SERINC1: variants seen among roughly 807,000 people sequenced by gnomAD.
SERINC1 encodes the protein tumor differentially expressed protein 2.
SERINC1 carries 38 observed loss-of-function variants against 52.9 expected under a neutral mutation model. That is an observed-to-expected ratio of 0.72 (90% CI 0.55 to 0.94). The LOEUF is 0.94. Among genes scored for constraint, SERINC1 ranks in the 40% least tolerant of loss-of-function variants. SERINC1 has a pLI of 0.00. For synonymous variants in SERINC1, 198 were observed against 183.1 expected (o/e 1.08, Z -0.66); for missense variants, 471 against 533.9 (o/e 0.88, Z 1.16).
At position 122,458,668 on chromosome 6, in the gene SERINC1, C is replaced by T. The variant is rs1775045185; in HGVS notation, c.53G>A (p.Cys18Tyr). Reference sequence around the variant, plus strand: ...GCATAGCAAACACGGGGCACTTCCACACAAACATGGTATCTGGGAAAAAGA... The same window carrying T: ...GCATAGCAAACACGGGGCACTTCCATACAAACATGGTATCTGGGAAAAAGA... ...CSMASWIPCL[C>Y]GSAPCLLCRC... Residue 18 changes from cysteine (C) to tyrosine (Y), a missense_variant, in exon 2 of 10, where the codon TGT becomes TAT. Cys to Tyr is a radical substitution (Grantham distance 194). Transcript: ENST00000339697. 6.3e-7 allele frequency: 1 copy of T among 1,598,038 alleles called. No homozygotes were observed. The highest frequency in any genetic ancestry group is 8.5e-7 in the Non-Finnish European group (1 of 1,170,192).
rs775252069 is a variant in SERINC1 at position 122,456,600 on chromosome 6, C to G, written c.252G>C (p.Leu84Phe). ...NEKGVVPCNI[L>F]VGYKAVYRLC... Reference sequence around the variant, plus strand: ...AACGATATACAGCTTTATAGCCAACCAAAATGTTACAAGGGACAACACCTT... The same window carrying G: ...AACGATATACAGCTTTATAGCCAACGAAAATGTTACAAGGGACAACACCTT... Residue 84 changes from leucine to phenylalanine, a missense_variant, in exon 3 of 10, where the codon TTG (leucine) becomes TTC (phenylalanine). Physicochemically the swap from Leu to Phe is conservative, Grantham distance 22. Coordinates refer to ENST00000339697, the MANE Select transcript of SERINC1 (RefSeq NM_020755.4). 4.3e-6 allele frequency: 7 copies of G among 1,611,684 alleles called. No homozygotes were observed. Among genetic ancestry groups the G allele is most frequent in the Non-Finnish European group, 3.4e-6 (4 of 1,178,814 alleles).
intron 1 of SERINC1, among the ~76,000 whole-genome samples, chr6:122,469,548 T>G (rs1200180796): frequency 6.6e-6 from 1 of 151,762 alleles, no homozygotes; most frequent in Admixed American, 6.6e-5. Context: ...GATTTTTGTT[T>G]TTTTGTTTTG....
intron 1 of SERINC1, among the ~76,000 whole-genome samples, chr6:122,465,027 G>T (rs915721375): frequency 6.6e-6 from 1 of 151,786 alleles, no homozygotes; most frequent in Non-Finnish European, 1.5e-5. Context: ...AAAGGTTTGG[G>T]GTTTTTTTTC....
At chr6:122,460,228 A>G (rs765260579) in intron 1 of SERINC1, among the ~76,000 whole-genome samples, 2 of 152,116 alleles carry the variant, frequency 1.3e-5, no homozygotes, top group Non-Finnish European at 2.9e-5. Context: ...GTGCACCACC[A>G]CACCCGGCTA....
chr6:122,465,239 G>C (rs190371415), intron 1 of SERINC1, among the ~76,000 whole-genome samples: 2 of 152,238 alleles, frequency 1.3e-5, no homozygotes, highest in East Asian at 3.9e-4. Context: ...TCCCCAAATA[G>C]TTCAGGAACT....
intron 5 of SERINC1, among the ~76,000 whole-genome samples, chr6:122,453,222 C>G (rs999815957): frequency 1.3e-5 from 2 of 152,128 alleles, no homozygotes; most frequent in Non-Finnish European, 2.9e-5. Flanking sequence ...ATTGGGATAT[C>G]TGTTTTCAAG....
At chr6:122,456,743 G>T in intron 2 of SERINC1, 93 bp from the exon 3 acceptor site, 2 of 926,566 alleles carry the variant, frequency 2.2e-6, no homozygotes. Flanking sequence ...TAAAGGTTTA[G>T]AAAACTGGCA....
intron 7 of SERINC1, among the ~76,000 whole-genome samples, chr6:122,450,677 A>G (rs1197573061): frequency 6.6e-6 from 1 of 152,196 alleles, no homozygotes; most frequent in Non-Finnish European, 1.5e-5. Context: ...GATTCATGGG[A>G]AAAAATGTCA....
At chr6:122,462,039 TAG>T (rs1336338717) in intron 1 of SERINC1, among the ~76,000 whole-genome samples, 1 of 151,870 alleles carries the variant, frequency 6.6e-6, no homozygotes, top group African/African-American at 2.4e-5. Flanking sequence ...TGCCACCAGG[TAG>T]AGTTTAGCCT....
chr6:122,443,914 T>G lies in SERINC1; in HGVS notation c.*1130A>C, dbSNP rs1489005901. The G allele has an allele frequency of 6.6e-6, 1 of 152,230 alleles. No homozygotes were observed. The highest frequency in any genetic ancestry group is 1.5e-5 in the Non-Finnish European group (1 of 68,046). 9.4% of individuals were successfully genotyped at this position (152,230 alleles called of 1,614,324 possible). A position where few individuals can be genotyped will look rare whatever the true frequency, so the allele number is the denominator to read the frequency against. ...TCTTCATTTTTTTAAATGAGAGAAC[T>G]GGACTAGATTTTATATAAGTACCTA... On this transcript the variant is annotated 3_prime_UTR_variant, in exon 10 of 10. Coordinates refer to ENST00000339697, the MANE Select transcript of SERINC1 (RefSeq NM_020755.4).
chr6:122,452,904 T>C (rs1774935997), intron 5 of SERINC1, among the ~76,000 whole-genome samples: 2 of 152,138 alleles, frequency 1.3e-5, no homozygotes, highest in Admixed American at 6.5e-5. Context: ...AGAGGAATAT[T>C]AGGCCAGCAG....
chr6:122,469,765 A>C (rs1056900101), intron 1 of SERINC1, among the ~76,000 whole-genome samples: 9 of 151,752 alleles, frequency 5.9e-5, no homozygotes, highest in African/African-American at 2.2e-4. Context: ...CACCATATTG[A>C]CCAGGCGGTC....
At chr6:122,462,536 C>A (rs970929501) in intron 1 of SERINC1, among the ~76,000 whole-genome samples, 22 of 152,078 alleles carry the variant, frequency 1.4e-4, no homozygotes, top group African/African-American at 5.3e-4. Context: ...GCAGGAGGAC[C>A]ATTTGAGCCT....
intron 5 of SERINC1, among the ~76,000 whole-genome samples, chr6:122,453,281 C>A (rs969188583): frequency 6.6e-6 from 1 of 152,178 alleles, no homozygotes; most frequent in African/African-American, 2.4e-5. Context: ...TCATTAATTA[C>A]ATTACTATAG....
chr6:122,449,845 A>C (rs933981699), intron 7 of SERINC1, among the ~76,000 whole-genome samples: 14 of 151,976 alleles, frequency 9.2e-5, no homozygotes, highest in African/African-American at 3.4e-4. Context: ...GGTGAAACCC[A>C]ATCTCTACTA....
At chr6:122,455,488 G>A (rs1774978324) in intron 3 of SERINC1, among the ~76,000 whole-genome samples, 2 of 152,018 alleles carry the variant, frequency 1.3e-5, no homozygotes, top group South Asian at 2.1e-4. Context: ...TGAACATCAG[G>A]CTCCAAGTTC....
rs375841328 is a variant in SERINC1 at position 122,445,197 on chromosome 6, A to C, written c.1227-18T>G. 1.9e-6 allele frequency: 3 copies of C among 1,609,496 alleles called. No individual in the cohort carries two copies. Among genetic ancestry groups the C allele is most frequent in the Non-Finnish European group, 2.5e-6 (3 of 1,178,550 alleles). ...GTTCATACCTAAAATTTCAGGGAAA[A>C]TTATTAAAAAGGGGCAAGGGGGTTG... On this transcript the variant is annotated intron_variant, in intron 9 of 9. Transcript: ENST00000339697.
intron 1 of SERINC1, among the ~76,000 whole-genome samples, chr6:122,463,045 T>C (rs1230010430): frequency 2.0e-4 from 31 of 152,148 alleles, no homozygotes. Flanking sequence ...ACACACTACC[T>C]GATTTCAAGA....
chr6:122,446,020 T>C (rs556545515), intron 9 of SERINC1, among the ~76,000 whole-genome samples: 1 of 152,074 alleles, frequency 6.6e-6, no homozygotes, highest in South Asian at 2.1e-4. Flanking sequence ...AAGAATAATC[T>C]TTTTCCTCCA....
Sources: gnomAD v4.1 joint callset for allele counts (sites outside exome capture counted in the v4.1 genomes callset) on GRCh38, gnomAD v4.1.1 for gene constraint, MANE v1.5 for transcripts, NCBI Gene and HGNC (gene_info 2026-07-23, HGNC 2026-07-21) for gene names.